AAGAB: variants seen among roughly 807,000 people sequenced by gnomAD.
AAGAB encodes the protein alpha- and gamma-adaptin-binding protein p34.
AAGAB carries 38 observed loss-of-function variants against 44.1 expected under a neutral mutation model. The ratio of observed to expected loss-of-function variants is 0.86; its 90% CI spans 0.67 to 1.13. AAGAB has a LOEUF of 1.13. AAGAB is among the 50% of genes most tolerant of loss of function. AAGAB has a pLI of 0.00. For synonymous variants in AAGAB, 131 were observed against 131.8 expected, an observed-to-expected ratio of 0.99 and a Z score of 0.04; for missense variants, 450 against 373.8, an observed-to-expected ratio of 1.20 and a Z score of -1.68.
intron 5 of AAGAB, among the ~76,000 whole-genome samples, chr15:67,212,245 A>G (rs1963840933): frequency 6.6e-6 from 1 of 152,210 alleles, no homozygotes; most frequent in Non-Finnish European, 1.5e-5. Flanking sequence ...AGTTAGGAGT[A>G]GGAGCTAGAC....
intron 5 of AAGAB, among the ~76,000 whole-genome samples, chr15:67,230,371 A>T (rs956925744): frequency 2.6e-5 from 4 of 152,204 alleles, no homozygotes; most frequent in Non-Finnish European, 5.9e-5. Flanking sequence ...GACTGCAGAT[A>T]TATTAAGATG....
chr15:67,245,839 C>T (rs1567032328), intron 1 of AAGAB, among the ~76,000 whole-genome samples: 1 of 151,950 alleles, frequency 6.6e-6, no homozygotes, highest in Non-Finnish European at 1.5e-5. Flanking sequence ...TTTTTTTTCC[C>T]CCACAGAAAT....
At chr15:67,250,789 G>A (rs1439998849) in intron 1 of AAGAB, among the ~76,000 whole-genome samples, 1 of 152,258 alleles carries the variant, frequency 6.6e-6, no homozygotes, top group East Asian at 1.9e-4. Context: ...CACTTTGGGA[G>A]GCTGAGGCGG....
At chr15:67,244,214 A>G (rs1479409947) in intron 1 of AAGAB, among the ~76,000 whole-genome samples, 1 of 152,238 alleles carries the variant, frequency 6.6e-6, no homozygotes, top group African/African-American at 2.4e-5. Flanking sequence ...ATTGAAAATA[A>G]GCTTGATCTG....
intron 7 of AAGAB, among the ~76,000 whole-genome samples, 177 bp from the exon 8 acceptor site, chr15:67,204,325 A>C (rs549476969): frequency 1.2e-4 from 19 of 152,298 alleles, no homozygotes; most frequent in Admixed American, 6.5e-5. Context: ...TCACAAATGA[A>C]GAGTAACTAT....
chr15:67,223,064 A>G (rs1242024265), intron 5 of AAGAB, among the ~76,000 whole-genome samples: 1 of 152,062 alleles, frequency 6.6e-6, no homozygotes. Context: ...AGACTCCACT[A>G]TCTTGGTTTT....
At chr15:67,254,986 C>G (rs367561206), upstream of AAGAB, 26 of 1,594,090 alleles carry the variant, frequency 1.6e-5, no homozygotes, top group Non-Finnish European at 2.1e-5. Context: ...CCTGCCCAGC[C>G]GCGCCACTTC....
intron 5 of AAGAB, among the ~76,000 whole-genome samples, chr15:67,219,668 G>T (rs1052180939): frequency 6.6e-6 from 1 of 152,062 alleles, no homozygotes; most frequent in Non-Finnish European, 1.5e-5. Flanking sequence ...GTGGGAGGGA[G>T]GGGGGCAAGG....
intron 9 of AAGAB, 95 bp from the exon 10 acceptor site, chr15:67,202,993 G>T: frequency 8.4e-7 from 1 of 1,187,454 alleles, no homozygotes; most frequent in Non-Finnish European, 1.3e-6. Context: ...CTAAAATTCT[G>T]CACTTTGCCC....
chr15:67,215,729 AAG>A (rs754069319), intron 5 of AAGAB, among the ~76,000 whole-genome samples: 1 of 152,262 alleles, frequency 6.6e-6, no homozygotes, highest in Non-Finnish European at 1.5e-5. Flanking sequence ...TCTTTTAAGA[AAG>A]AAATGATTTC....
chr15:67,243,583 C>T (rs756326997), intron 1 of AAGAB, among the ~76,000 whole-genome samples: 2 of 152,120 alleles, frequency 1.3e-5, no homozygotes, highest in Non-Finnish European at 2.9e-5. Flanking sequence ...AACATCCATC[C>T]TACAACGCAC....
intron 5 of AAGAB, among the ~76,000 whole-genome samples, chr15:67,221,956 T>C (rs1964074588): frequency 6.6e-6 from 1 of 151,968 alleles, no homozygotes; most frequent in African/African-American, 2.4e-5. Flanking sequence ...AACCCCTCCA[T>C]CATCTCAACT....
chr15:67,251,032 TTAAAATAAAA>T (rs541897889), intron 1 of AAGAB, among the ~76,000 whole-genome samples: 2 of 151,904 alleles, frequency 1.3e-5, no homozygotes, highest in Non-Finnish European at 2.9e-5. Flanking sequence ...GTCTCAATAA[TTAAAATAAAA>T]TAAAATAAAA....
At position 67,209,679 on chromosome 15, in the gene AAGAB, G is replaced by A. The variant is rs142172429; in HGVS notation, c.536-135C>T. The A allele has an allele frequency of 1.1e-3, 803 of 699,438 alleles. 12 individuals are homozygous for A. In the East Asian group the frequency reaches 0.015, roughly 13 times the overall value. 43.3% of individuals were successfully genotyped at this position (699,438 alleles called of 1,614,324 possible). On this transcript the variant is annotated intron_variant, in intron 5 of 9. Coordinates refer to ENST00000261880, the MANE Select transcript of AAGAB (RefSeq NM_024666.5). ...CATATATATATATTTTTGAGACAGG[G>A]TCTCACTCTGTAGCCCAGGCTAGAG... is the stretch of plus-strand genomic sequence containing the variant.
intron 1 of AAGAB, among the ~76,000 whole-genome samples, chr15:67,249,650 A>C (rs1262846616): frequency 6.6e-6 from 1 of 152,146 alleles, no homozygotes; most frequent in African/African-American, 2.4e-5. Flanking sequence ...ATATTTTAAA[A>C]CCGTTTAGGG....
chr15:67,211,790 C>T (rs1450333474), intron 5 of AAGAB, among the ~76,000 whole-genome samples: 1 of 152,200 alleles, frequency 6.6e-6, no homozygotes, highest in African/African-American at 2.4e-5. Flanking sequence ...GTCCCCTAAA[C>T]TTGGCAGGCC....
In AAGAB at chr15:67,236,597, T is replaced by C. The variant is rs74358343; in HGVS notation, c.264+33A>G. The C allele has an allele frequency of 3.3e-3, 5,333 of 1,606,324 alleles. 178 individuals carry two copies. The Admixed American group carries it at 0.06, about 18-fold the overall frequency. On this transcript the variant is annotated intron_variant, in intron 2 of 9. Coordinates refer to ENST00000261880, the MANE Select transcript of AAGAB (RefSeq NM_024666.5). ...AAAAAAGAAGGCATGCAATAATTTC[T>C]TATTCAAGCCTTCATAGAAAACAAA...
chr15:67,253,112 T>C (rs964319825), intron 1 of AAGAB, among the ~76,000 whole-genome samples: 11 of 152,208 alleles, frequency 7.2e-5, no homozygotes, highest in African/African-American at 2.7e-4. Context: ...GCGAAAATTA[T>C]CCCTATTTTA....
At position 67,231,859 on chromosome 15, in the gene AAGAB, G is replaced by A. The variant is rs1328304793; in HGVS notation, c.490C>T (p.Gln164Ter). ...PESTGVKRIV[Q>*]ALNANVWSNV... Reference sequence around the variant, plus strand: ...GACCACACATTGGCATTCAGGGCTTGGACAATTCGCTTTACTCCTGTAGAT... The same window carrying A: ...GACCACACATTGGCATTCAGGGCTTAGACAATTCGCTTTACTCCTGTAGAT... The change falls in exon 5 of 10, where the codon CAA becomes TAA. Residue 164 changes from glutamine (Q) to a stop codon, truncating the protein, a stop_gained. Transcript: ENST00000261880. LOFTEE classifies it high-confidence loss of function. 6.2e-7 allele frequency: 1 copy of A among 1,612,434 alleles called. No homozygotes were observed. The highest frequency in any genetic ancestry group is 8.5e-7 in the Non-Finnish European group (1 of 1,178,722).
Sources: allele counts gnomAD v4.1 joint callset (sites outside exome capture counted in the v4.1 genomes callset), GRCh38; gene constraint gnomAD v4.1.1; transcripts MANE v1.5; gene names NCBI Gene and HGNC (gene_info 2026-07-23, HGNC 2026-07-21).